Variants in FAM83B observed in about 807,000 individuals in gnomAD.
The protein encoded by FAM83B is protein FAM83B.
In FAM83B, 26 loss-of-function variants were observed where a neutral mutation model predicts 38.8. The ratio of observed to expected loss-of-function variants is 0.67; its 90% CI spans 0.49 to 0.93. The LOEUF is 0.93. FAM83B is among the 40% of genes least tolerant of loss of function. The pLI, the probability that FAM83B is intolerant of heterozygous loss-of-function variation, is 0.00. For missense variants in FAM83B, 1,237 were observed against 1,197.3 expected (o/e 1.03, Z -0.49); for synonymous variants, 419 against 423.1 (o/e 0.99, Z 0.12).
intron 2 of FAM83B, among the ~76,000 whole-genome samples, chr6:54,878,565 T>C (rs1024726272): frequency 2.0e-5 from 3 of 152,058 alleles, no homozygotes; most frequent in Non-Finnish European, 4.4e-5. Flanking sequence ...ACAGGAGACA[T>C]AGGGGAAGCT....
chr6:54,850,938 A>C (rs1771257571), intron 1 of FAM83B, among the ~76,000 whole-genome samples: 1 of 148,534 alleles, frequency 6.7e-6, no homozygotes, highest in Non-Finnish European at 1.5e-5. Context: ...GAATTTTTTG[A>C]ACCTGGGAGG....
chr6:54,897,992 T>C lies in FAM83B; in HGVS notation c.444+27302T>C, dbSNP rs144511494. 2.6e-4 allele frequency among the ~76,000 whole-genome samples: 39 copies of C among 152,304 alleles called. 1 individual carries two copies. The East Asian group carries it at 6.7e-3, about 26-fold the overall frequency. ...CTAGAATTATCAGAAAATTGAAAGA[T>C]TATGATGTCATGTATACTTTTTGGT... On this transcript the variant is annotated intron_variant, in intron 2 of 4. Transcript: ENST00000306858.
chr6:54,910,029 A>T (rs1772869887), intron 2 of FAM83B, among the ~76,000 whole-genome samples: 1 of 152,198 alleles, frequency 6.6e-6, no homozygotes, highest in Non-Finnish European at 1.5e-5. Context: ...ATTGTAAAGA[A>T]TTTATATATG....
At position 54,927,558 on chromosome 6, in the gene FAM83B, G is replaced by A; in HGVS notation, c.660G>A (p.Gly220=). ...VKGQDYLSKT[G]AKFHGKMEQK... ...GCCAAGATTATCTTTCAAAAACAGG[G>A]GCAAAATTCCATGGAAAAATGGAAC... Residue 220 remains glycine, a synonymous_variant, in exon 4 of 5, where the codon GGG becomes GGA. Transcript: ENST00000306858. The A allele has an allele frequency of 6.2e-7, 1 of 1,607,938 alleles. No homozygotes were observed. The highest frequency in any genetic ancestry group is 8.5e-7 in the Non-Finnish European group (1 of 1,176,424).
At chr6:54,876,736 A>T (rs1226362892) in intron 2 of FAM83B, among the ~76,000 whole-genome samples, 3 of 152,046 alleles carry the variant, frequency 2.0e-5, no homozygotes, top group African/African-American at 4.8e-5. Context: ...TATATATATA[A>T]AATAAGCAGT....
chr6:54,889,694 T>C (rs945827378), intron 2 of FAM83B, among the ~76,000 whole-genome samples: 12 of 152,278 alleles, frequency 7.9e-5, no homozygotes, highest in African/African-American at 2.9e-4. Flanking sequence ...AATCAAATAT[T>C]TTCTGGAAAC....
rs199719325 is a variant in FAM83B, at chr6:54,941,726, A to G, written c.2755A>G (p.Thr919Ala). ...ERRPTSSPRP[T>A]SSELLRSHST... ...AAGACCTACTTCTTCTCCAAGGCCA[A>G]CGTCCAGTGAGCTTCTACGATCTCA... Residue 919 changes from threonine (T) to alanine (A), a missense_variant, in exon 5 of 5, where the codon ACG becomes GCG. Coordinates refer to ENST00000306858, the MANE Select transcript of FAM83B (RefSeq NM_001010872.3). The G allele has an allele frequency of 4.3e-6, 7 of 1,614,096 alleles. No individual in the cohort carries two copies. In the Middle Eastern group the frequency reaches 6.6e-4, roughly 152 times the overall value.
intron 4 of FAM83B, among the ~76,000 whole-genome samples, chr6:54,933,090 T>A (rs537809521): frequency 6.6e-5 from 10 of 152,194 alleles, no homozygotes; most frequent in African/African-American, 2.4e-4. Context: ...GCAATATTGA[T>A]CTCCTTGGTA....
At chr6:54,865,283 G>T (rs1234225740) in intron 1 of FAM83B, among the ~76,000 whole-genome samples, 1 of 152,072 alleles carries the variant, frequency 6.6e-6, no homozygotes. Flanking sequence ...GTTCTTGTAG[G>T]CAATTCTTGG....
intron 2 of FAM83B, among the ~76,000 whole-genome samples, chr6:54,905,836 T>A (rs1487604334): frequency 6.6e-6 from 1 of 152,014 alleles, no homozygotes; most frequent in Non-Finnish European, 1.5e-5. Flanking sequence ...AATTGCTTCC[T>A]TTATATTATG....
chr6:54,907,230 A>G (rs1772794021), intron 2 of FAM83B, among the ~76,000 whole-genome samples: 1 of 152,136 alleles, frequency 6.6e-6, no homozygotes, highest in South Asian at 2.1e-4. Context: ...TAGTCTTATT[A>G]TGTTTTTAAT....
chr6:54,908,041 A>C (rs1422296676), intron 2 of FAM83B, among the ~76,000 whole-genome samples: 1 of 152,016 alleles, frequency 6.6e-6, no homozygotes, highest in Non-Finnish European at 1.5e-5. Flanking sequence ...ATGAAAAAAA[A>C]GTGGGCTTGA....
intron 2 of FAM83B, among the ~76,000 whole-genome samples, chr6:54,881,699 T>C (rs1315597812): frequency 6.6e-6 from 1 of 152,134 alleles, no homozygotes; most frequent in East Asian, 1.9e-4. Flanking sequence ...AAGTCCAAAG[T>C]CACCCATTTG....
chr6:54,922,988 A>G (rs1365355192), intron 2 of FAM83B, among the ~76,000 whole-genome samples: 2 of 152,046 alleles, frequency 1.3e-5, no homozygotes, highest in African/African-American at 4.8e-5. Flanking sequence ...AGTATCTGCT[A>G]GTAAAAAATA....
intron 2 of FAM83B, among the ~76,000 whole-genome samples, chr6:54,903,342 A>G (rs543954256): frequency 6.6e-6 from 1 of 152,324 alleles, no homozygotes; most frequent in Admixed American, 6.5e-5. Flanking sequence ...ATGGCAAAAG[A>G]GTATGGCTTG....
intron 2 of FAM83B, among the ~76,000 whole-genome samples, chr6:54,883,581 C>T (rs1175242216): frequency 6.6e-6 from 1 of 151,582 alleles, no homozygotes; most frequent in Non-Finnish European, 1.5e-5. Flanking sequence ...GGTGATCTGC[C>T]CTCCTTGGCC....
At position 54,941,679 on chromosome 6, in the gene FAM83B, A is replaced by G. The variant is rs145099247; in HGVS notation, c.2708A>G (p.Asn903Ser). 2 of 1,613,992 alleles carry G rather than the reference A, an allele frequency of 1.2e-6. No homozygotes were observed. Among genetic ancestry groups the G allele is most frequent in the African/African-American group, 2.7e-5 (2 of 74,936 alleles). ...CAATACCGAGATTCAAGGGAGATTA[A>G]TGCAGTTGTTACCCCTGAAAGAAGA... ...QIQYRDSREI[N>S]AVVTPERRPT... is the part of the protein sequence containing the mutation. Residue 903 changes from asparagine to serine, a missense_variant, in exon 5 of 5, where the codon AAT becomes AGT. Asn to Ser is a conservative substitution (Grantham distance 46). Transcript: ENST00000306858.
chr6:54,932,985 A>T (rs940983555), intron 4 of FAM83B, among the ~76,000 whole-genome samples: 1 of 151,810 alleles, frequency 6.6e-6, no homozygotes, highest in African/African-American at 2.4e-5. Flanking sequence ...TTGTATGTCA[A>T]TTTTTTTTCC....
chr6:54,868,902 G>C (rs537981765), intron 1 of FAM83B, among the ~76,000 whole-genome samples: 1 of 152,346 alleles, frequency 6.6e-6, no homozygotes, highest in South Asian at 2.1e-4. Flanking sequence ...TCTCCACTAA[G>C]ATGGTAAATG....
Sources: allele counts gnomAD v4.1 joint callset (sites outside exome capture counted in the v4.1 genomes callset), GRCh38; gene constraint gnomAD v4.1.1; transcripts MANE v1.5; gene names NCBI Gene and HGNC (gene_info 2026-07-23, HGNC 2026-07-21).